ZNF329: variants seen among roughly 807,000 people sequenced by gnomAD.
ZNF329 encodes the protein zinc finger protein 329.
Under a neutral mutation model 26.6 loss-of-function variants are expected in ZNF329, and 15 were observed. The observed-to-expected ratio is 0.56, with a 90% CI of 0.38 to 0.87. The LOEUF is 0.87. Ranked by LOEUF, ZNF329 falls within the 40% of genes least tolerant of loss-of-function variation. The probability of loss-of-function intolerance (pLI) is 0.00; values close to 1 mark genes in which losing one functional copy is unlikely to be tolerated. For synonymous variants in ZNF329, 239 were observed against 233.5 expected (o/e 1.02, Z -0.21); for missense variants, 651 against 651.9 (o/e 1.00, Z 0.02).
In ZNF329 at chr19:58,147,090, C is replaced by G. The variant is rs577774722; in HGVS notation, c.-208+3662G>C. Among the ~76,000 whole-genome samples, 330 of 151,740 alleles carry G rather than the reference C, an allele frequency of 2.2e-3. 1 individual carries two copies. The highest frequency in any genetic ancestry group is 7.7e-3 in the African/African-American group (319 of 41,330). ...GGAGCGTCTCTGCCCGGCCGCCATC[C>G]CATCTAGGAAGTGAGGAGCGTCTCT... On this transcript the variant is annotated intron_variant, in intron 1 of 3. Coordinates refer to ENST00000598312, the MANE Select transcript of ZNF329 (RefSeq NM_024620.4).
chr19:58,153,299 A>G (rs12984799), upstream of ZNF329, among the ~76,000 whole-genome samples: 4 of 152,046 alleles, frequency 2.6e-5, no homozygotes, highest in African/African-American at 9.7e-5. Flanking sequence ...TAGTAGAGAC[A>G]GGGTTTCACC....
At chr19:58,130,783 C>T (rs1363636691) in intron 3 of ZNF329, among the ~76,000 whole-genome samples, 1 of 152,076 alleles carries the variant, frequency 6.6e-6, no homozygotes, top group Non-Finnish European at 1.5e-5. Flanking sequence ...ATCAATCTTC[C>T]TGTCACCATC....
At chr19:58,145,313 CCT>C (rs1568673538) in intron 1 of ZNF329, among the ~76,000 whole-genome samples, 14 of 136,316 alleles carry the variant, frequency 1.0e-4, no homozygotes, top group African/African-American at 3.6e-4. Flanking sequence ...CTTTTTTCTT[CCT>C]TTTTTTTTTT....
rs139696146 is a variant in ZNF329, at chr19:58,138,685, T to G, written c.-9+3872A>C. 4.6e-3 allele frequency among the ~76,000 whole-genome samples: 708 copies of G among 152,284 alleles called. 4 individuals are homozygous for G. The highest frequency in any genetic ancestry group is 0.014 in the Middle Eastern group (4 of 294). On this transcript the variant is annotated intron_variant, in intron 3 of 3. Coordinates refer to ENST00000598312, the MANE Select transcript of ZNF329 (RefSeq NM_024620.4). Reference sequence around the variant, plus strand: ...TCCCCGCACGTTTGTGAAGGGAAGATGCACACGTACAGTTAAAAGAAATAA... The same window carrying G: ...TCCCCGCACGTTTGTGAAGGGAAGAGGCACACGTACAGTTAAAAGAAATAA...
At chr19:58,149,167 T>C (rs532159734) in intron 1 of ZNF329, among the ~76,000 whole-genome samples, 1 of 152,344 alleles carries the variant, frequency 6.6e-6, no homozygotes, top group South Asian at 2.1e-4. Context: ...ACAAATGTCA[T>C]GGAAACATCA....
At chr19:58,149,384 A>G (rs1229449419) in intron 1 of ZNF329, among the ~76,000 whole-genome samples, 3 of 152,074 alleles carry the variant, frequency 2.0e-5, no homozygotes, top group African/African-American at 7.2e-5. Flanking sequence ...TTTCTTTCCC[A>G]AGATATAAGA....
intron 1 of ZNF329, among the ~76,000 whole-genome samples, chr19:58,145,068 C>T (rs959781382): frequency 1.0e-4 from 15 of 150,356 alleles, no homozygotes; most frequent in African/African-American, 3.7e-4. Context: ...CCAAGATGGT[C>T]TCGATCTCCT....
At chr19:58,138,989 T>G (rs1454946101) in intron 3 of ZNF329, among the ~76,000 whole-genome samples, 1 of 150,814 alleles carries the variant, frequency 6.6e-6, no homozygotes, top group Non-Finnish European at 1.5e-5. Context: ...AAAAAGAAAA[T>G]AAAAGATGAG....
chr19:58,146,815 G>A (rs1237277217), intron 1 of ZNF329, among the ~76,000 whole-genome samples: 2 of 151,908 alleles, frequency 1.3e-5, no homozygotes. Flanking sequence ...GGCCTCCCGA[G>A]GTGCCGGGAT....
intron 1 of ZNF329, among the ~76,000 whole-genome samples, chr19:58,146,192 G>C (rs548042534): frequency 1.3e-5 from 2 of 152,190 alleles, no homozygotes; most frequent in East Asian, 3.9e-4. Flanking sequence ...AAGTATCTGG[G>C]GCCAGGCGCA....
At chr19:58,154,695 A>ACCC (rs59523890), upstream of ZNF329, 4 of 133,440 alleles carry the variant, frequency 3.0e-5, no homozygotes, top group Non-Finnish European at 4.9e-5. Flanking sequence ...CTCGCAGACC[A>ACCC]CCCCCCCCCC....
chr19:58,127,790 C>G lies in ZNF329; in HGVS notation c.*88G>C, dbSNP rs1346921123. On this transcript the variant is annotated 3_prime_UTR_variant, in exon 4 of 4. Coordinates refer to ENST00000598312, the MANE Select transcript of ZNF329 (RefSeq NM_024620.4). ...ACTGGATAGCTTAAAGGATTCTTTT[C>G]TACTGACCAGAGAGGAGTCAGATCT... is the stretch of plus-strand genomic sequence containing the variant. 7.8e-7 allele frequency: 1 copy of G among 1,275,354 alleles called. No homozygotes were observed. Among genetic ancestry groups the G allele is most frequent in the Non-Finnish European group, 1.1e-6 (1 of 917,906 alleles). The allele number at this position is 1,275,354 out of a possible 1,614,324, so 79.0% of individuals were successfully genotyped here.
At chr19:58,134,843 G>T (rs2075028237) in intron 3 of ZNF329, among the ~76,000 whole-genome samples, 1 of 152,162 alleles carries the variant, frequency 6.6e-6, no homozygotes, top group Non-Finnish European at 1.5e-5. Context: ...GGCTGAAGCA[G>T]AAGAATTGCT....
At chr19:58,144,141 GA>G (rs2075247053) in intron 1 of ZNF329, among the ~76,000 whole-genome samples, 1 of 151,774 alleles carries the variant, frequency 6.6e-6, no homozygotes, top group African/African-American at 2.4e-5. Context: ...TATCAGAGTA[GA>G]AAAAAATTGT....
chr19:58,128,080 C>A lies in ZNF329; in HGVS notation c.1424G>T (p.Arg475Ile), dbSNP rs1442128419. Residue 475 changes from arginine to isoleucine, a missense_variant, in exon 4 of 4, where the codon AGA (arginine) becomes ATA (isoleucine). By Grantham distance (97) the Arg-to-Ile change is moderately conservative. Coordinates refer to ENST00000598312, the MANE Select transcript of ZNF329 (RefSeq NM_024620.4). ...ATATGGGGTCTCCTTAGTGTGAATT[C>A]TCTGGTGCTTGGTCAGACAGGAGCT... ...RDSSCLTKHQ[R>I]IHTKETPYQC... 6.2e-6 allele frequency: 10 copies of A among 1,610,074 alleles called. No homozygotes were observed.
chr19:58,152,284 C>A (rs2075468848), upstream of ZNF329, among the ~76,000 whole-genome samples: 1 of 152,068 alleles, frequency 6.6e-6, no homozygotes, highest in Non-Finnish European at 1.5e-5. Context: ...AATTCCAACT[C>A]TTTGGGAAGC....
At chr19:58,130,793 C>A (rs2074922970) in intron 3 of ZNF329, among the ~76,000 whole-genome samples, 2 of 152,098 alleles carry the variant, frequency 1.3e-5, no homozygotes, top group South Asian at 4.1e-4. Context: ...CTGTCACCAT[C>A]CTTGTCCATT....
chr19:58,142,820 C>T (rs1222454735), intron 2 of ZNF329, among the ~76,000 whole-genome samples, 159 bp from the exon 3 acceptor site: 1 of 152,214 alleles, frequency 6.6e-6, no homozygotes, highest in Non-Finnish European at 1.5e-5. Context: ...TGACAGCTTT[C>T]AAGCCCCAAC....
At chr19:58,153,835 A>C (rs755609493), upstream of ZNF329, among the ~76,000 whole-genome samples, 105 of 151,836 alleles carry the variant, frequency 6.9e-4, no homozygotes, top group Admixed American at 1.1e-3. Context: ...CGACCTCCCC[A>C]GTTGCTGGGA....
Sources: gnomAD v4.1 joint callset for allele counts (sites outside exome capture counted in the v4.1 genomes callset) on GRCh38, gnomAD v4.1.1 for gene constraint, MANE v1.5 for transcripts, NCBI Gene and HGNC (gene_info 2026-07-23, HGNC 2026-07-21) for gene names.